SEM1: variants seen among roughly 807,000 people sequenced by gnomAD.
SEM1 encodes SEM1 26S proteasome subunit.
SEM1 carries 3 observed loss-of-function variants against 12.7 expected under a neutral mutation model. The observed-to-expected ratio is 0.24, with a 90% CI of 0.11 to 0.61. The LOEUF is 0.61. Among genes scored for constraint, SEM1 ranks in the 20% least tolerant of loss-of-function variants. The pLI, the probability that SEM1 is intolerant of heterozygous loss-of-function variation, is 0.88. For synonymous variants in SEM1, 30 were observed against 27.8 expected (o/e 1.08, Z -0.25); for missense variants, 59 against 81.3 (o/e 0.73, Z 1.06).
intron 2 of SEM1, among the ~76,000 whole-genome samples, chr7:96,566,933 GCCACATTA>G (rs988424417): frequency 1.1e-4 from 17 of 151,580 alleles, no homozygotes; most frequent in Admixed American, 7.9e-4. Context: ...TTGATAACAA[GCCACATTA>G]CCATGAGGAT....
chr7:96,515,056 G>C (rs1804046727), intron 2 of SEM1, among the ~76,000 whole-genome samples: 1 of 152,054 alleles, frequency 6.6e-6, no homozygotes, highest in Non-Finnish European at 1.5e-5. Context: ...GAGATCAATG[G>C]AAAAGAGCAG....
At chr7:96,555,181 T>TG in intron 2 of SEM1, among the ~76,000 whole-genome samples, 1 of 149,804 alleles carries the variant, frequency 6.7e-6, no homozygotes, top group South Asian at 2.1e-4. Flanking sequence ...GAAGGGTTTT[T>TG]GTGTCTCTAT....
intron 2 of SEM1, among the ~76,000 whole-genome samples, chr7:96,587,897 T>G (rs1264103263): frequency 6.6e-6 from 1 of 152,230 alleles, no homozygotes; most frequent in African/African-American, 2.4e-5. Context: ...TAACACATAC[T>G]ATTGAACACT....
At chr7:96,692,364 A>C (rs1180001409) in intron 2 of SEM1, among the ~76,000 whole-genome samples, 1 of 152,186 alleles carries the variant, frequency 6.6e-6, no homozygotes, top group East Asian at 1.9e-4. Context: ...CCTCAATTTC[A>C]AAATGTCAAA....
intron 2 of SEM1, among the ~76,000 whole-genome samples, chr7:96,606,141 T>A (rs955847129): frequency 6.6e-6 from 1 of 152,228 alleles, no homozygotes; most frequent in Non-Finnish European, 1.5e-5. Flanking sequence ...TTACTATGCC[T>A]AATTTACAAA....
At chr7:96,508,381 T>C (rs1803822531) in intron 2 of SEM1, among the ~76,000 whole-genome samples, 1 of 152,028 alleles carries the variant, frequency 6.6e-6, no homozygotes, top group African/African-American at 2.4e-5. Context: ...ATCATAACAA[T>C]GTAATAAAAC....
At chr7:96,669,867 A>C (rs895626803), downstream of SEM1, among the ~76,000 whole-genome samples, 1 of 152,194 alleles carries the variant, frequency 6.6e-6, no homozygotes, top group Non-Finnish European at 1.5e-5. Flanking sequence ...AATAATGAAA[A>C]TGATCACTAT....
intron 3 of SEM1, among the ~76,000 whole-genome samples, chr7:96,502,126 A>G (rs1037972622): frequency 6.6e-6 from 1 of 152,026 alleles, no homozygotes; most frequent in Non-Finnish European, 1.5e-5. Flanking sequence ...ATCCAGTCCT[A>G]TGTGGACTAT....
intron 2 of SEM1, among the ~76,000 whole-genome samples, chr7:96,523,309 G>A (rs1804344020): frequency 2.0e-5 from 3 of 152,206 alleles, no homozygotes; most frequent in South Asian, 2.1e-4. Flanking sequence ...CCAGTCTGAC[G>A]AGAGTATATA....
At chr7:96,650,289 G>C in intron 2 of SEM1, 1 of 482,042 alleles carries the variant, frequency 2.1e-6, no homozygotes, top group South Asian at 3.8e-5. Context: ...CACAAGACTT[G>C]AAACAATCCC....
intron 2 of SEM1, among the ~76,000 whole-genome samples, chr7:96,587,090 AC>A (rs1280662668): frequency 7.2e-5 from 11 of 152,130 alleles, no homozygotes; most frequent in African/African-American, 2.4e-4. Context: ...TCTTAAAAAA[AC>A]AATATCATAG....
chr7:96,607,541 T>C (rs1807418239), intron 2 of SEM1, among the ~76,000 whole-genome samples: 2 of 152,240 alleles, frequency 1.3e-5, no homozygotes, highest in Non-Finnish European at 2.9e-5. Context: ...GAAGAAGTTC[T>C]AGTGCTTAAC....
chr7:96,524,547 T>C (rs1250475823), intron 2 of SEM1, among the ~76,000 whole-genome samples: 1 of 152,098 alleles, frequency 6.6e-6, no homozygotes, highest in Non-Finnish European at 1.5e-5. Context: ...AATTATTTCA[T>C]ATATCATTTC....
chr7:96,608,968 C>G (rs1807465126), intron 2 of SEM1, among the ~76,000 whole-genome samples: 1 of 152,122 alleles, frequency 6.6e-6, no homozygotes, highest in Non-Finnish European at 1.5e-5. Flanking sequence ...ACATGGTAAA[C>G]AGAAATTGTA....
intron 1 of SEM1, among the ~76,000 whole-genome samples, chr7:96,705,628 C>T (rs953683662): frequency 2.0e-5 from 3 of 151,828 alleles, no homozygotes; most frequent in Non-Finnish European, 4.4e-5. Flanking sequence ...GAGATCGAGA[C>T]CATCCTGGCT....
upstream of SEM1, among the ~76,000 whole-genome samples, chr7:96,496,556 A>T (rs1803272831): frequency 6.6e-6 from 1 of 152,156 alleles, no homozygotes; most frequent in Non-Finnish European, 1.5e-5. Flanking sequence ...GTTATTACTG[A>T]TTTATAGAAC....
downstream of SEM1, among the ~76,000 whole-genome samples, chr7:96,619,292 T>C (rs1807813263): frequency 6.6e-6 from 1 of 152,230 alleles, no homozygotes; most frequent in Non-Finnish European, 1.5e-5. Flanking sequence ...TTTTGTTGAT[T>C]AAGATACTTT....
At chr7:96,500,128 A>T (rs988378335), upstream of SEM1, among the ~76,000 whole-genome samples, 3 of 152,140 alleles carry the variant, frequency 2.0e-5, no homozygotes, top group Non-Finnish European at 4.4e-5. Flanking sequence ...GGAGTTTAAG[A>T]ACCCTTTCCA....
intron 2 of SEM1, among the ~76,000 whole-genome samples, chr7:96,555,898 G>A (rs1424199430): frequency 1.3e-5 from 2 of 148,200 alleles, no homozygotes; most frequent in African/African-American, 5.0e-5. Context: ...TATATATTTA[G>A]GATAGTTAGC....
Sources: allele counts gnomAD v4.1 joint callset (sites outside exome capture counted in the v4.1 genomes callset), GRCh38; gene constraint gnomAD v4.1.1; transcripts MANE v1.5; gene names NCBI Gene and HGNC (gene_info 2026-07-23, HGNC 2026-07-21).